The following CRHR2 variants were observed in gnomAD, a reference collection of about 807,000 sequenced individuals.
The protein encoded by CRHR2 is corticotropin-releasing hormone receptor 2.
A neutral mutation model predicts 57.9 loss-of-function variants in CRHR2; 53 were observed. The ratio of observed to expected loss-of-function variants is 0.92; its 90% CI spans 0.73 to 1.15. The LOEUF (loss-of-function observed/expected upper bound fraction) is 1.15. Ranked by LOEUF, CRHR2 falls within the 50% of genes most tolerant of loss-of-function variation. The pLI is 0.00. For missense variants in CRHR2, 532 were observed against 542.6 expected, an observed-to-expected ratio of 0.98 and a Z score of 0.19; for synonymous variants, 213 against 220.9, an observed-to-expected ratio of 0.96 and a Z score of 0.32.
chr7:30,662,548 G>T, intron 6 of CRHR2, 146 bp downstream of exon 6: 1 of 954,936 alleles, frequency 1.0e-6, no homozygotes, highest in Non-Finnish European at 1.6e-6. Flanking sequence ...TTCCTCACCA[G>T]CATGGAGGGA....
rs201593629 is a variant in CRHR2 at position 30,656,031 on chromosome 7, T to C, written c.832-19A>G. 8.1e-4 allele frequency: 1,151 copies of C among 1,422,716 alleles called. 3 individuals carry two copies. Among genetic ancestry groups the C allele is most frequent in the Non-Finnish European group, 1.1e-3 (1,072 of 1,012,924 alleles). 88.1% of individuals were successfully genotyped at this position (1,422,716 alleles called of 1,614,324 possible). A position where few individuals can be genotyped will look rare whatever the true frequency, so the allele number is the denominator to read the frequency against. On this transcript the variant is annotated intron_variant, in intron 8 of 11. Coordinates refer to ENST00000471646, the MANE Select transcript of CRHR2 (RefSeq NM_001883.5). This position sits in a 1 kb window ranked among gnomAD's most constrained non-coding sequence, Gnocchi z 4.4. ...AATTGATCTGGAGGGAGGGCGGGCA[T>C]GGGAAAGAGGGAAAAGGAAGGAGCA...
chr7:30,657,351 G>T (rs1783825595), intron 8 of CRHR2, among the ~76,000 whole-genome samples: 1 of 152,138 alleles, frequency 6.6e-6, no homozygotes, highest in African/African-American at 2.4e-5. Flanking sequence ...TAGTGGTATG[G>T]CCTGGGGGTC....
chr7:30,668,584 T>C (rs1397404938), intron 2 of CRHR2, among the ~76,000 whole-genome samples: 1 of 152,222 alleles, frequency 6.6e-6, no homozygotes, highest in Non-Finnish European at 1.5e-5. Flanking sequence ...CAGTGTGTTC[T>C]GAAATAATTA....
chr7:30,688,372 A>G (rs1425128714), intron 2 of CRHR2, among the ~76,000 whole-genome samples: 2 of 152,144 alleles, frequency 1.3e-5, no homozygotes, highest in Non-Finnish European at 2.9e-5. Context: ...ACACTAATAC[A>G]GATGGGTTAG....
chr7:30,678,119 G>T (rs1464600885), intron 2 of CRHR2, among the ~76,000 whole-genome samples: 6 of 152,156 alleles, frequency 3.9e-5, no homozygotes. Flanking sequence ...TGTGTTCTTG[G>T]CTTGGGGCCC....
chr7:30,669,925 C>T (rs1398566158), intron 2 of CRHR2, among the ~76,000 whole-genome samples: 1 of 152,142 alleles, frequency 6.6e-6, no homozygotes, highest in African/African-American at 2.4e-5. Flanking sequence ...TTCTTACCCA[C>T]TGCTCACGGA....
At position 30,682,272 on chromosome 7, in the gene CRHR2, C is replaced by T. The variant is rs927269040; in HGVS notation, c.9G>A (p.Ala3=). MD[A]ALLHSLLEAN... ...CCTCCAGCAGGCTGTGGAGCAGTGC[C>T]GCGTCCATCGCGTCCCGCAGCCGCG... Residue 3 remains alanine, a synonymous_variant, in exon 1 of 12, where the codon GCG becomes GCA. Coordinates refer to ENST00000471646, the MANE Select transcript of CRHR2 (RefSeq NM_001883.5). The T allele has an allele frequency of 5.0e-5, 78 of 1,567,770 alleles. No homozygotes were observed. Among genetic ancestry groups the T allele is most frequent in the Non-Finnish European group, 6.5e-5 (76 of 1,165,028 alleles).
At chr7:30,673,194 T>C (rs146445681) in intron 2 of CRHR2, among the ~76,000 whole-genome samples, 1 of 151,910 alleles carries the variant, frequency 6.6e-6, no homozygotes, top group African/African-American at 2.4e-5. Context: ...ACCATGACTT[T>C]GAGTCACCTT....
intron 3 of CRHR2, among the ~76,000 whole-genome samples, chr7:30,666,252 G>T (rs906631597): frequency 2.0e-5 from 3 of 152,150 alleles, no homozygotes; most frequent in Non-Finnish European, 4.4e-5. Context: ...GGAGGCCTGG[G>T]GTGGGGTGCA....
At chr7:30,672,389 T>C (rs924152765) in intron 2 of CRHR2, among the ~76,000 whole-genome samples, 13 of 152,366 alleles carry the variant, frequency 8.5e-5, no homozygotes, top group African/African-American at 3.1e-4. Flanking sequence ...TCTAAAGGCA[T>C]GTCCTGGGTT....
chr7:30,695,940 T>G (rs1281200062), intron 1 of CRHR2, among the ~76,000 whole-genome samples: 1 of 152,124 alleles, frequency 6.6e-6, no homozygotes, highest in Admixed American at 6.5e-5. Flanking sequence ...ATAGGTGAGG[T>G]GCATCAGTGC....
intron 1 of CRHR2, among the ~76,000 whole-genome samples, chr7:30,694,794 G>A (rs1785025578): frequency 6.6e-6 from 1 of 151,614 alleles, no homozygotes; most frequent in Non-Finnish European, 1.5e-5. Context: ...AGAAGGAGAA[G>A]GCTTGGAGGA....
At chr7:30,695,548 A>C (rs1199172876) in intron 1 of CRHR2, among the ~76,000 whole-genome samples, 1 of 151,896 alleles carries the variant, frequency 6.6e-6, no homozygotes, top group East Asian at 1.9e-4. Context: ...AGGAGGGGGA[A>C]GGGGAGGGGA....
chr7:30,660,934 C>T (rs893175164), intron 7 of CRHR2, among the ~76,000 whole-genome samples: 4 of 152,222 alleles, frequency 2.6e-5, no homozygotes, highest in African/African-American at 9.6e-5. Flanking sequence ...AGGCATAGGA[C>T]TGGGCATGCA....
chr7:30,694,154 C>T (rs905520912), intron 1 of CRHR2, among the ~76,000 whole-genome samples: 1 of 152,218 alleles, frequency 6.6e-6, no homozygotes, highest in African/African-American at 2.4e-5. Flanking sequence ...CCCCCTCAGC[C>T]AGGTAGAGCT....
chr7:30,661,044 C>T (rs1321663880), intron 7 of CRHR2, among the ~76,000 whole-genome samples: 3 of 152,218 alleles, frequency 2.0e-5, no homozygotes, highest in Non-Finnish European at 2.9e-5. Flanking sequence ...CCCGCTGTTC[C>T]GTGTGCCAGG....
At position 30,656,098 on chromosome 7, in the gene CRHR2, AC is replaced by A. The variant is rs1783780313; in HGVS notation, c.832-87del. 1 of 1,242,140 alleles carries A rather than the reference AC, an allele frequency of 8.1e-7. No homozygotes were observed. The highest frequency in any genetic ancestry group is 1.5e-5 in the African/African-American group (1 of 67,540). 76.9% of individuals were successfully genotyped at this position (1,242,140 alleles called of 1,614,324 possible). On this transcript the variant is annotated intron_variant, in intron 8 of 11. Transcript: ENST00000471646. The surrounding 1 kb of genome is among the most constrained non-coding windows in gnomAD (Gnocchi z 4.4). ...CGAGAGGCAGCCCCCTTCCCCGCAG[AC>A]CCCTGGAAACCGATGTCCCACGCAC...
At chr7:30,674,768 G>A (rs909423897) in intron 2 of CRHR2, among the ~76,000 whole-genome samples, 1 of 152,074 alleles carries the variant, frequency 6.6e-6, no homozygotes, top group Admixed American at 6.6e-5. Flanking sequence ...GGCTCTCAGA[G>A]ATAGCAGGAG....
Position 30,653,195 on chromosome 7 carries a change from G to T in CRHR2, c.*265C>A. On this transcript the variant is annotated 3_prime_UTR_variant, in exon 12 of 12. Coordinates refer to ENST00000471646, the MANE Select transcript of CRHR2 (RefSeq NM_001883.5). The surrounding 1 kb of genome is among the most constrained non-coding windows in gnomAD (Gnocchi z 5.0). ...GCCCTGGCCAGAGAGGCTGGGATGG[G>T]CAAATGCCTGCAGACATCTGACTGG... The T allele has an allele frequency of 2.2e-6, 1 of 447,874 alleles. No individual in the cohort carries two copies. Among genetic ancestry groups the T allele is most frequent in the Non-Finnish European group, 4.0e-6 (1 of 250,066 alleles). 27.7% of individuals were successfully genotyped at this position (447,874 alleles called of 1,614,324 possible). A position where few individuals can be genotyped will look rare whatever the true frequency, so the allele number is the denominator to read the frequency against.
Sources: gnomAD v4.1 joint callset for allele counts (sites outside exome capture counted in the v4.1 genomes callset) on GRCh38, gnomAD v4.1.1 for gene constraint, Gnocchi (gnomAD v3.1) non-coding constraint, MANE v1.5 for transcripts, NCBI Gene and HGNC (gene_info 2026-07-23, HGNC 2026-07-21) for gene names.